The following STON2 variants were observed in gnomAD, a reference collection of about 807,000 sequenced individuals.
STON2 encodes stonin-2.
In STON2, 29 loss-of-function variants were observed where a neutral mutation model predicts 65.7. The ratio of observed to expected loss-of-function variants is 0.44; its 90% CI spans 0.33 to 0.60. The LOEUF is 0.60. STON2 is among the 20% of genes least tolerant of loss of function. STON2 has a pLI of 0.03. For synonymous variants in STON2, 404 were observed against 414.2 expected (o/e 0.98, Z 0.30); for missense variants, 1,054 against 1,118.1 (o/e 0.94, Z 0.82).
At chr14:81,411,209 C>T (rs968526756) in intron 2 of STON2, among the ~76,000 whole-genome samples, 1 of 152,048 alleles carries the variant, frequency 6.6e-6, no homozygotes, top group Admixed American at 6.6e-5. Context: ...GATCATTACA[C>T]GCCAGTGATT....
intron 4 of STON2, among the ~76,000 whole-genome samples, chr14:81,367,561 C>T (rs974700412): frequency 1.3e-5 from 2 of 152,184 alleles, no homozygotes; most frequent in Non-Finnish European, 2.9e-5. Flanking sequence ...TTCTCCTAAA[C>T]TTTGTCTTTC....
At chr14:81,291,267 A>G (rs920667808) in intron 5 of STON2, among the ~76,000 whole-genome samples, 3 of 152,218 alleles carry the variant, frequency 2.0e-5, no homozygotes, top group African/African-American at 7.2e-5. Context: ...AAGTACAATT[A>G]TGAAGACAGA....
intron 4 of STON2, among the ~76,000 whole-genome samples, chr14:81,368,714 T>C (rs899984334): frequency 6.6e-6 from 1 of 152,026 alleles, no homozygotes; most frequent in East Asian, 1.9e-4. Flanking sequence ...CGAGACTCCA[T>C]CTCAAAAACA....
intron 3 of STON2, among the ~76,000 whole-genome samples, chr14:81,389,747 A>C (rs1566939305): frequency 6.6e-6 from 1 of 152,254 alleles, no homozygotes; most frequent in African/African-American, 2.4e-5. Flanking sequence ...AAGCCCCAGA[A>C]GTAAACGATA....
chr14:81,326,777 T>C (rs1897017780), intron 4 of STON2, among the ~76,000 whole-genome samples: 2 of 152,220 alleles, frequency 1.3e-5, no homozygotes, highest in Non-Finnish European at 2.9e-5. Context: ...TTTTTCTGTA[T>C]AAACCAGAGG....
chr14:81,301,920 G>C (rs938483742), intron 5 of STON2, among the ~76,000 whole-genome samples: 3 of 152,074 alleles, frequency 2.0e-5, no homozygotes, highest in Non-Finnish European at 2.9e-5. Context: ...AGTTTCTGAG[G>C]CTAAACAGCT....
chr14:81,313,196 T>C (rs1896493581), intron 5 of STON2, among the ~76,000 whole-genome samples: 1 of 152,218 alleles, frequency 6.6e-6, no homozygotes, highest in Non-Finnish European at 1.5e-5. Flanking sequence ...AGTGATTAGA[T>C]CAAAGACAAG....
At chr14:81,400,425 G>T (rs145456202), upstream of STON2, among the ~76,000 whole-genome samples, 1 of 130,862 alleles carries the variant, frequency 7.6e-6, no homozygotes, top group East Asian at 2.5e-4. Flanking sequence ...TGAAGAGTCA[G>T]ATTCCTCCTC....
chr14:81,425,994 C>T (rs1012935591), intron 2 of STON2, among the ~76,000 whole-genome samples: 2 of 152,122 alleles, frequency 1.3e-5, no homozygotes, highest in Non-Finnish European at 2.9e-5. Context: ...TGACTGTCAC[C>T]ACTCCTCACT....
At chr14:81,395,783 C>A in intron 3 of STON2, 111 bp downstream of exon 3, 2 of 1,117,326 alleles carry the variant, frequency 1.8e-6, no homozygotes, top group Non-Finnish European at 2.6e-6. Context: ...GCGACCAGTG[C>A]TTCAGGGTTA....
At chr14:81,282,844 G>T (rs2140135431) in intron 5 of STON2, among the ~76,000 whole-genome samples, 1 of 152,286 alleles carries the variant, frequency 6.6e-6, no homozygotes, top group Non-Finnish European at 1.5e-5. Flanking sequence ...ATTATGACTG[G>T]TGTGGCTGGG....
At chr14:81,419,994 T>C (rs1016996482) in intron 2 of STON2, among the ~76,000 whole-genome samples, 1 of 152,200 alleles carries the variant, frequency 6.6e-6, no homozygotes, top group South Asian at 2.1e-4. Flanking sequence ...GATATGTACC[T>C]GCCAGCTCCC....
rs532048167 is a variant in STON2 at position 81,268,620 on chromosome 14, G to A, written c.2785-123C>T. 43 of 1,240,966 alleles carry A rather than the reference G, an allele frequency of 3.5e-5. 1 individual carries two copies. Among genetic ancestry groups the A allele is most frequent in the East Asian group, 1.7e-4 (3 of 17,846 alleles). 76.9% of individuals were successfully genotyped at this position (1,240,966 alleles called of 1,614,324 possible). A position where few individuals can be genotyped will look rare whatever the true frequency, so the allele number is the denominator to read the frequency against. On this transcript the variant is annotated intron_variant, in intron 7 of 7. Coordinates refer to ENST00000614646, the MANE Select transcript of STON2 (RefSeq NM_001394390.1). ...TTATAATTTTGCTAACATTTTGGGC[G>A]TTAGCCACATTGGAGCTACTGGCCC...
At chr14:81,395,203 G>A (rs1346196770) in intron 3 of STON2, 1 of 152,162 alleles carries the variant, frequency 6.6e-6, no homozygotes, top group Non-Finnish European at 1.5e-5. Context: ...TGGTGACTTG[G>A]TTAGACATGG....
intron 6 of STON2, among the ~76,000 whole-genome samples, chr14:81,275,409 T>C (rs114821512): frequency 0.017 from 2,656 of 152,148 alleles, 74 homozygotes; most frequent in African/African-American, 0.062. Context: ...ATAACTTGAC[T>C]AAGTTATTCA....
upstream of STON2, among the ~76,000 whole-genome samples, chr14:81,404,734 T>C (rs967928415): frequency 6.6e-6 from 1 of 152,152 alleles, no homozygotes; most frequent in Non-Finnish European, 1.5e-5. Context: ...CTCAAACTCC[T>C]GGGCTCAAGC....
intron 4 of STON2, among the ~76,000 whole-genome samples, chr14:81,357,795 A>C (rs1438596871): frequency 6.6e-6 from 1 of 150,960 alleles, no homozygotes; most frequent in South Asian, 2.1e-4. Context: ...AGAACAAAAA[A>C]CCAAACACCG....
At chr14:81,398,032 ATTAAGT>A (rs1211652463) in intron 2 of STON2, among the ~76,000 whole-genome samples, 5 of 152,148 alleles carry the variant, frequency 3.3e-5, no homozygotes, top group Non-Finnish European at 1.5e-5. Context: ...TTTGGTAAAT[ATTAAGT>A]TTTTGTTTCT....
intron 2 of STON2, among the ~76,000 whole-genome samples, chr14:81,411,464 T>C (rs557970643): frequency 3.9e-5 from 6 of 152,342 alleles, no homozygotes; most frequent in South Asian, 4.1e-4. Flanking sequence ...CCCAGCACTT[T>C]GGGAGGCCAA....
Sources: gnomAD v4.1 joint callset for allele counts (sites outside exome capture counted in the v4.1 genomes callset) on GRCh38, gnomAD v4.1.1 for gene constraint, MANE v1.5 for transcripts, NCBI Gene and HGNC (gene_info 2026-07-23, HGNC 2026-07-21) for gene names.